Variants in ROBO2 observed in about 807,000 individuals in gnomAD.
ROBO2 encodes the protein roundabout guidance receptor 2, also known as roundabout homolog 2.
A neutral mutation model predicts 160.8 loss-of-function variants in ROBO2; 53 were observed. The observed-to-expected ratio is 0.33, with a 90% CI of 0.26 to 0.41. The LOEUF is 0.41. ROBO2 is among the 10% of genes least tolerant of loss of function. The probability of loss-of-function intolerance (pLI) is 1.00; values close to 1 mark genes in which losing one functional copy is unlikely to be tolerated. For synonymous variants in ROBO2, 664 were observed against 611.7 expected (o/e 1.09, Z -1.26); for missense variants, 1,577 against 1,722.4 (o/e 0.92, Z 1.49).
chr3:77,444,731 G>A (rs1236274522), intron 2 of ROBO2, among the ~76,000 whole-genome samples: 1 of 152,040 alleles, frequency 6.6e-6, no homozygotes, highest in African/African-American at 2.4e-5. Context: ...AGAAAATACC[G>A]AAAAGAACAC....
upstream of ROBO2, among the ~76,000 whole-genome samples, chr3:77,039,534 G>A (rs1470947927): frequency 6.6e-6 from 1 of 152,138 alleles, no homozygotes; most frequent in Non-Finnish European, 1.5e-5. Flanking sequence ...ATCCCCTCCC[G>A]AGGCGGGAAG....
chr3:76,674,474 C>G (rs1192653770), intron 2 of ROBO2, among the ~76,000 whole-genome samples: 1 of 151,992 alleles, frequency 6.6e-6, no homozygotes, highest in Non-Finnish European at 1.5e-5. Flanking sequence ...CAAGGGAACC[C>G]AGCTGGACCC....
chr3:77,602,625 T>C (rs2094450948), intron 20 of ROBO2, 134 bp downstream of exon 21: 4 of 1,087,176 alleles, frequency 3.7e-6, no homozygotes, highest in South Asian at 1.3e-5. Context: ...TACCAGCATG[T>C]TTCCAGTAAC....
chr3:77,216,020 G>A (rs1353069953), intron 2 of ROBO2, among the ~76,000 whole-genome samples: 1 of 152,232 alleles, frequency 6.6e-6, no homozygotes, highest in East Asian at 1.9e-4. Context: ...TAGGCTACTC[G>A]GGGGTCAGGG....
chr3:77,221,099 T>A (rs1334536985), intron 2 of ROBO2, among the ~76,000 whole-genome samples: 1 of 152,190 alleles, frequency 6.6e-6, no homozygotes, highest in Admixed American at 6.5e-5. Flanking sequence ...ATCAGTTATA[T>A]GAACACTGCA....
At chr3:76,059,400 G>A (rs1273759483) in intron 2 of ROBO2, among the ~76,000 whole-genome samples, 5 of 152,290 alleles carry the variant, frequency 3.3e-5, no homozygotes, top group African/African-American at 7.2e-5. Context: ...CTGATGACCA[G>A]TGATGATGAG....
intron 2 of ROBO2, among the ~76,000 whole-genome samples, chr3:76,037,812 C>T (rs1412402594): frequency 6.6e-6 from 1 of 151,950 alleles, no homozygotes; most frequent in Non-Finnish European, 1.5e-5. Context: ...CTTAACTACC[C>T]TTGGACAATG....
At chr3:77,339,505 C>T (rs182465070) in intron 2 of ROBO2, among the ~76,000 whole-genome samples, 28 of 152,178 alleles carry the variant, frequency 1.8e-4, no homozygotes, top group Non-Finnish European at 3.4e-4. Flanking sequence ...ATGCAACTTG[C>T]ATCTGTGGAC....
intron 2 of ROBO2, among the ~76,000 whole-genome samples, chr3:76,251,331 A>G (rs1475023808): frequency 6.6e-6 from 1 of 152,084 alleles, no homozygotes; most frequent in Non-Finnish European, 1.5e-5. Context: ...AAAGAGCCAG[A>G]TGTCAGGAAA....
intron 2 of ROBO2, among the ~76,000 whole-genome samples, chr3:77,206,241 C>T (rs1364294658): frequency 6.6e-6 from 1 of 152,086 alleles, no homozygotes; most frequent in Non-Finnish European, 1.5e-5. Context: ...GCGATCTCAG[C>T]TCACTGCAAC....
At chr3:76,267,158 C>T (rs1053742930) in intron 2 of ROBO2, among the ~76,000 whole-genome samples, 2 of 152,188 alleles carry the variant, frequency 1.3e-5, no homozygotes, top group Non-Finnish European at 2.9e-5. Flanking sequence ...TTCACAGCAT[C>T]CTATACGTAT....
intron 2 of ROBO2, among the ~76,000 whole-genome samples, chr3:77,296,177 G>C: frequency 1.3e-5 from 2 of 150,994 alleles, no homozygotes; most frequent in Middle Eastern, 6.8e-3. Context: ...GCTGAGGCTA[G>C]ATCACCCCAG....
intron 2 of ROBO2, among the ~76,000 whole-genome samples, chr3:76,143,615 A>G (rs969783274): frequency 6.6e-6 from 1 of 152,062 alleles, no homozygotes; most frequent in African/African-American, 2.4e-5. Context: ...CCCAAAGCCA[A>G]TTCAAAAACC....
chr3:76,015,017 A>G (rs1462786405), intron 2 of ROBO2, among the ~76,000 whole-genome samples: 2 of 152,312 alleles, frequency 1.3e-5, no homozygotes, highest in South Asian at 4.1e-4. Context: ...ATCAATCTGT[A>G]TTTCCATAAA....
intron 16 of ROBO2, among the ~76,000 whole-genome samples, chr3:77,582,293 G>T (rs1171174003): frequency 6.6e-6 from 1 of 152,134 alleles, no homozygotes; most frequent in African/African-American, 2.4e-5. Flanking sequence ...TAGAGACAGG[G>T]TTTCACCATG....
intron 2 of ROBO2, among the ~76,000 whole-genome samples, chr3:76,572,718 T>G (rs1578239149): frequency 6.6e-6 from 1 of 152,188 alleles, no homozygotes; most frequent in African/African-American, 2.4e-5. Context: ...ACAACTTTAT[T>G]CTGAGTCACA....
chr3:76,493,060 A>G (rs563096336), intron 2 of ROBO2, among the ~76,000 whole-genome samples: 10 of 152,036 alleles, frequency 6.6e-5, no homozygotes, highest in Admixed American at 5.9e-4. Flanking sequence ...GAAAAAGGCA[A>G]TGAAATAGAA....
chr3:76,357,084 A>C (rs2108344761), intron 2 of ROBO2, among the ~76,000 whole-genome samples: 1 of 152,076 alleles, frequency 6.6e-6, no homozygotes, highest in African/African-American at 2.4e-5. Context: ...ATTCTGAAAC[A>C]AAAAGAGACC....
chr3:76,540,372 G>T (rs371345519), intron 2 of ROBO2, among the ~76,000 whole-genome samples: 49 of 152,290 alleles, frequency 3.2e-4, no homozygotes, highest in Middle Eastern at 6.8e-3. Context: ...AGCTAAAAGA[G>T]AATCCTTTTA....
Sources: gnomAD v4.1 joint callset for allele counts (sites outside exome capture counted in the v4.1 genomes callset) on GRCh38, gnomAD v4.1.1 for gene constraint, MANE v1.5 for transcripts, NCBI Gene and HGNC (gene_info 2026-07-23, HGNC 2026-07-21) for gene names.